Variants in HS2ST1 observed in about 807,000 individuals in gnomAD.
HS2ST1 encodes the protein 2-O-sulfotransferase.
A neutral mutation model predicts 42.9 loss-of-function variants in HS2ST1; 18 were observed. That is an observed-to-expected ratio of 0.42 (90% CI 0.29 to 0.62). HS2ST1 has a LOEUF of 0.62. HS2ST1 is among the 20% of genes least tolerant of loss of function. The probability of loss-of-function intolerance (pLI) is 0.21; values close to 1 mark genes in which losing one functional copy is unlikely to be tolerated. For missense variants in HS2ST1, 334 were observed against 433.8 expected (o/e 0.77, Z 2.04); for synonymous variants, 146 against 152.9 (o/e 0.95, Z 0.33).
Position 87,090,070 on chromosome 1 carries a change from T to C in HS2ST1, c.450-2461T>C, listed in dbSNP as rs189487479. On this transcript the variant is annotated intron_variant, in intron 3 of 6. Coordinates refer to ENST00000370550, the MANE Select transcript of HS2ST1 (RefSeq NM_012262.4). The stretch of plus-strand genomic sequence containing the variant: ...AACCCATTGTCCTGTAATCTCTCCT[T>C]GTAGTTTCCTATTAAAAACCTCTCA... Among the ~76,000 whole-genome samples the C allele has an allele frequency of 3.3e-5, 5 of 152,168 alleles. No individual in the cohort carries two copies. The East Asian group carries it at 9.7e-4, about 29-fold the overall frequency.
chr1:87,100,925 A>C (rs1009804238), intron 5 of HS2ST1, among the ~76,000 whole-genome samples: 2 of 152,024 alleles, frequency 1.3e-5, no homozygotes, highest in Non-Finnish European at 2.9e-5. Context: ...AAAACAACAA[A>C]AAGAGGGGGC....
chr1:86,934,782 G>T (rs547112136), intron 1 of HS2ST1: 30 of 152,164 alleles, frequency 2.0e-4, no homozygotes, highest in African/African-American at 6.8e-4. Flanking sequence ...AAAAAAATTA[G>T]CTGGGCGTGG....
At chr1:86,997,057 C>T (rs1649122484) in intron 1 of HS2ST1, among the ~76,000 whole-genome samples, 1 of 152,112 alleles carries the variant, frequency 6.6e-6, no homozygotes, top group African/African-American at 2.4e-5. Context: ...AAGAGAAGCT[C>T]ATGAAGTGAT....
At chr1:86,944,400 G>C (rs748399865) in intron 1 of HS2ST1, among the ~76,000 whole-genome samples, 2 of 152,060 alleles carry the variant, frequency 1.3e-5, no homozygotes, top group Admixed American at 6.6e-5. Context: ...TGTTGCCCAG[G>C]CTGGAGTGCA....
intron 1 of HS2ST1, among the ~76,000 whole-genome samples, chr1:87,058,079 T>C (rs2100620185): frequency 6.6e-6 from 1 of 151,742 alleles, no homozygotes; most frequent in Non-Finnish European, 1.5e-5. Context: ...ACATCTGTAC[T>C]GTAGAGGAGA....
intron 1 of HS2ST1, among the ~76,000 whole-genome samples, chr1:87,062,768 C>G (rs959832474): frequency 6.6e-6 from 1 of 152,088 alleles, no homozygotes; most frequent in African/African-American, 2.4e-5. Flanking sequence ...ATGTGAGTTA[C>G]TTTCCCTTTC....
intron 1 of HS2ST1, among the ~76,000 whole-genome samples, chr1:86,991,017 A>T (rs192697930): frequency 6.0e-5 from 9 of 150,664 alleles, no homozygotes; most frequent in East Asian, 2.0e-4. Context: ...CCAAGTTCAG[A>T]TAAAAAATTT....
rs1024378195 is a variant in HS2ST1 at position 87,089,799 on chromosome 1, CATAG to C, written c.450-2727_450-2724del. Reference sequence around the variant, plus strand: ...AAATGCCACCCAAAGCCATTCCACACATAGATAGTCATTTTCCTGGACAGCAAAA... The same window carrying C: ...AAATGCCACCCAAAGCCATTCCACACATAGTCATTTTCCTGGACAGCAAAA... On this transcript the variant is annotated intron_variant, in intron 3 of 6. Transcript: ENST00000370550. Among the ~76,000 whole-genome samples, 67 of 152,126 alleles carry C rather than the reference CATAG, an allele frequency of 4.4e-4. 2 individuals carry two copies. Among genetic ancestry groups the C allele is most frequent in the South Asian group, 2.1e-4 (1 of 4,828 alleles).
rs142994673 is a variant in HS2ST1, at chr1:87,099,477, A to T, written c.686+1542A>T. Reference sequence around the variant, plus strand: ...CGAGAGCTCAGTTATCACCAAGGGGATGGCACTAAACCATTCATGACAGAT... The same window carrying T: ...CGAGAGCTCAGTTATCACCAAGGGGTTGGCACTAAACCATTCATGACAGAT... On this transcript the variant is annotated intron_variant, in intron 5 of 6. Transcript: ENST00000370550. Among the ~76,000 whole-genome samples, 175 of 152,308 alleles carry T rather than the reference A, an allele frequency of 1.1e-3. 1 individual carries two copies. In the East Asian group the frequency reaches 0.024, roughly 21 times the overall value.
intron 1 of HS2ST1, among the ~76,000 whole-genome samples, chr1:87,014,338 C>T (rs1649687975): frequency 6.6e-6 from 1 of 152,114 alleles, no homozygotes; most frequent in Admixed American, 6.5e-5. Flanking sequence ...AGGGGAACTC[C>T]CCTTTATAAA....
At chr1:86,946,868 G>A (rs1233459851) in intron 1 of HS2ST1, among the ~76,000 whole-genome samples, 4 of 152,122 alleles carry the variant, frequency 2.6e-5, no homozygotes, top group Admixed American at 2.6e-4. Context: ...AAAAAACTTA[G>A]ACTTGTGAGA....
At chr1:87,098,012 T>C in intron 5 of HS2ST1, 77 bp downstream of exon 5, 1 of 1,594,758 alleles carries the variant, frequency 6.3e-7, no homozygotes, top group Non-Finnish European at 8.6e-7. Flanking sequence ...TCACAAGGGC[T>C]AGATATAGGG....
At chr1:87,005,689 T>C (rs1047914983) in intron 1 of HS2ST1, among the ~76,000 whole-genome samples, 2 of 152,186 alleles carry the variant, frequency 1.3e-5, no homozygotes, top group Non-Finnish European at 2.9e-5. Context: ...AGATTCTCTT[T>C]TACTAGGTGA....
intron 1 of HS2ST1, among the ~76,000 whole-genome samples, chr1:86,983,132 T>A (rs1305408276): frequency 6.6e-6 from 1 of 152,178 alleles, no homozygotes; most frequent in Non-Finnish European, 1.5e-5. Flanking sequence ...TGTCCCGGCC[T>A]CTGTCTGTTA....
chr1:86,942,450 T>G (rs552651994), intron 1 of HS2ST1, among the ~76,000 whole-genome samples: 10 of 152,328 alleles, frequency 6.6e-5, no homozygotes, highest in African/African-American at 2.2e-4. Flanking sequence ...AGATTAAAAG[T>G]GCTAAAGGAA....
chr1:86,923,069 T>A (rs1660334069), intron 1 of HS2ST1, among the ~76,000 whole-genome samples: 1 of 152,200 alleles, frequency 6.6e-6, no homozygotes, highest in African/African-American at 2.4e-5. Flanking sequence ...GCTAGGTCTT[T>A]AATTCACCAA....
chr1:86,921,096 A>G lies in HS2ST1; in HGVS notation c.124+5936A>G, dbSNP rs1287815239. 3.9e-5 allele frequency among the ~76,000 whole-genome samples: 6 copies of G among 152,232 alleles called. No individual in the cohort carries two copies. The South Asian group carries it at 8.3e-4, about 21-fold the overall frequency. Reference sequence around the variant, plus strand: ...ACAGTTTTGTCAATTACAAATAAAAAAAAACTATCTTGGTAAATGTTCCAG... The same window carrying G: ...ACAGTTTTGTCAATTACAAATAAAAGAAAACTATCTTGGTAAATGTTCCAG... On this transcript the variant is annotated intron_variant, in intron 1 of 6. Coordinates refer to ENST00000370550, the MANE Select transcript of HS2ST1 (RefSeq NM_012262.4).
At position 87,072,978 on chromosome 1, in the gene HS2ST1, C is replaced by G; in HGVS notation, c.169C>G (p.His57Asp). The G allele has an allele frequency of 6.2e-7, 1 of 1,614,068 alleles. No homozygotes were observed. Among genetic ancestry groups the G allele is most frequent in the African/African-American group, 1.3e-5 (1 of 75,048 alleles). ...RHEVREIEQR[H>D]TMDGPRQDAT... Reference sequence around the variant, plus strand: ...CGAAGTCCGAGAAATTGAGCAGCGACATACAATGGATGGCCCTCGGCAAGA... The same window carrying G: ...CGAAGTCCGAGAAATTGAGCAGCGAGATACAATGGATGGCCCTCGGCAAGA... Residue 57 changes from histidine (H) to aspartate (D), a missense_variant, in exon 2 of 7, where the codon CAT (histidine) becomes GAT (aspartate). Coordinates refer to ENST00000370550, the MANE Select transcript of HS2ST1 (RefSeq NM_012262.4).
chr1:86,996,271 C>T (rs112400294), intron 1 of HS2ST1, among the ~76,000 whole-genome samples: 2,126 of 151,950 alleles, frequency 0.014, 54 homozygotes, highest in African/African-American at 0.049. Flanking sequence ...GGAAAAACCC[C>T]GTCTCTACTA....
Sources: allele counts gnomAD v4.1 joint callset (sites outside exome capture counted in the v4.1 genomes callset), GRCh38; gene constraint gnomAD v4.1.1; transcripts MANE v1.5; gene names NCBI Gene and HGNC (gene_info 2026-07-23, HGNC 2026-07-21).